The following CACNA2D2 variants were observed in gnomAD, a reference collection of about 807,000 sequenced individuals.
CACNA2D2 encodes the protein voltage-dependent calcium channel subunit alpha-2/delta-2.
In CACNA2D2, 48 loss-of-function variants were observed where a neutral mutation model predicts 166.4. That is an observed-to-expected ratio of 0.29 (90% CI 0.23 to 0.37). The LOEUF (loss-of-function observed/expected upper bound fraction) is 0.37. CACNA2D2 is among the 10% of genes least tolerant of loss of function. The pLI is 1.00. For synonymous variants in CACNA2D2, 561 were observed against 573.7 expected (o/e 0.98, Z 0.32); for missense variants, 1,122 against 1,433.0 (o/e 0.78, Z 3.50).
Position 50,379,915 on chromosome 3 carries a change from T to C in CACNA2D2, c.893+53A>G, listed in dbSNP as rs587758121. ...CCAAGATGTTCAGGGCAGCAGAGTCTAGCCCATTGCCCGTCCCTGCCCCAG... is the reference window on the plus strand; with the variant it reads ...CCAAGATGTTCAGGGCAGCAGAGTCCAGCCCATTGCCCGTCCCTGCCCCAG... On this transcript the variant is annotated intron_variant, in intron 9 of 37. Transcript: ENST00000424201. This position sits in a 1 kb window ranked among gnomAD's most constrained non-coding sequence, Gnocchi z 6.5. 4 of 1,612,150 alleles carry C rather than the reference T, an allele frequency of 2.5e-6. No homozygotes were observed. Among genetic ancestry groups the C allele is most frequent in the East Asian group, 4.5e-5 (2 of 44,842 alleles).
chr3:50,395,813 C>T (rs1706121695), intron 3 of CACNA2D2, among the ~76,000 whole-genome samples: 1 of 152,182 alleles, frequency 6.6e-6, no homozygotes, highest in African/African-American at 2.4e-5. Context: ...TCTCCAGCCC[C>T]ATTGGGCTGG....
intron 1 of CACNA2D2, among the ~76,000 whole-genome samples, chr3:50,501,080 A>G (rs1231499703): frequency 6.6e-6 from 1 of 152,124 alleles, no homozygotes; most frequent in African/African-American, 2.4e-5. Flanking sequence ...ACCTGTATCA[A>G]AGTGTCATCC....
intron 6 of CACNA2D2, among the ~76,000 whole-genome samples, chr3:50,381,446 G>A (rs1270545914): frequency 2.0e-5 from 3 of 152,118 alleles, no homozygotes; most frequent in South Asian, 4.1e-4. Flanking sequence ...GGAACTCGGA[G>A]CCCTCAGTCC....
At chr3:50,429,503 A>G (rs545426713) in intron 3 of CACNA2D2, among the ~76,000 whole-genome samples, 1 of 150,658 alleles carries the variant, frequency 6.6e-6, no homozygotes, top group Non-Finnish European at 1.5e-5. Context: ...CAGTAATCCC[A>G]GCACTTTGGG....
chr3:50,383,313 G>A (rs1705429751), intron 6 of CACNA2D2, among the ~76,000 whole-genome samples: 1 of 152,104 alleles, frequency 6.6e-6, no homozygotes, highest in Admixed American at 6.5e-5. Context: ...TGAGGACCCT[G>A]GGAATTCCCT....
intron 3 of CACNA2D2, among the ~76,000 whole-genome samples, chr3:50,423,801 G>A (rs1432060978): frequency 1.3e-5 from 2 of 152,278 alleles, no homozygotes; most frequent in African/African-American, 2.4e-5. Flanking sequence ...CAGGAGGCAG[G>A]AAGCTTCGAG....
At chr3:50,369,736 A>G (rs754967397) in intron 23 of CACNA2D2, among the ~76,000 whole-genome samples, 1 of 152,072 alleles carries the variant, frequency 6.6e-6, no homozygotes, top group South Asian at 2.1e-4. Flanking sequence ...CTGAGCGTGC[A>G]CTCCGGGATG....
chr3:50,399,258 G>A (rs1706317447), intron 3 of CACNA2D2, among the ~76,000 whole-genome samples: 1 of 152,238 alleles, frequency 6.6e-6, no homozygotes, highest in Admixed American at 6.5e-5. Context: ...TGGCCCAGAA[G>A]GGTCTGAGGA....
Position 50,362,918 on chromosome 3 carries a change from T to C in CACNA2D2, c.*1748A>G, listed in dbSNP as rs1704007216. ...CAAAGTTTCTTGACTTTTTTGTCGC[T>C]GTTGTTTTTCCAACTTGTCTGTACA... is the stretch of plus-strand genomic sequence containing the variant. On this transcript the variant is annotated 3_prime_UTR_variant, in exon 38 of 38. Coordinates refer to ENST00000424201, the MANE Select transcript of CACNA2D2 (RefSeq NM_006030.4). The C allele has an allele frequency of 2.5e-6, 1 of 395,158 alleles. No individual in the cohort carries two copies. The highest frequency in any genetic ancestry group is 1.4e-4 in the South Asian group (1 of 6,998). 24.5% of individuals were successfully genotyped at this position (395,158 alleles called of 1,614,324 possible). A position where few individuals can be genotyped will look rare whatever the true frequency, so the allele number is the denominator to read the frequency against.
intron 2 of CACNA2D2, among the ~76,000 whole-genome samples, chr3:50,468,382 T>TGA (rs2107047776): frequency 1.8e-5 from 1 of 56,794 alleles, no homozygotes; most frequent in East Asian, 3.9e-4. Context: ...ATCAGAATAG[T>TGA]GTGTGTGTGT....
rs189881201 is a variant in CACNA2D2 at position 50,396,718 on chromosome 3, C to T, written c.406-2550G>A. Among the ~76,000 whole-genome samples the T allele has an allele frequency of 1.5e-3, 190 of 129,270 alleles. 1 individual carries two copies. The highest frequency in any genetic ancestry group is 8.2e-3 in the African/African-American group (175 of 21,348). The allele number at this position is 129,270 out of a possible 152,430, so 84.8% of individuals were successfully genotyped here. A position where few individuals can be genotyped will look rare whatever the true frequency, so the allele number is the denominator to read the frequency against. ...GGCCCGGAGGCTGTGTAAAGCCTGA[C>T]GAGGCAGTGTGTGAGTCAAGCCTTT... is the stretch of plus-strand genomic sequence containing the variant. On this transcript the variant is annotated intron_variant, in intron 3 of 37. Transcript: ENST00000424201.
intron 2 of CACNA2D2, among the ~76,000 whole-genome samples, chr3:50,436,047 C>T (rs1210024553): frequency 6.6e-6 from 1 of 152,162 alleles, no homozygotes; most frequent in African/African-American, 2.4e-5. Context: ...GGCAGGGAAC[C>T]TAGAGCCTAG....
Position 50,375,129 on chromosome 3 carries a change from G to C in CACNA2D2, c.1908-316C>G, listed in dbSNP as rs1479137073. On this transcript the variant is annotated intron_variant, in intron 21 of 37. Coordinates refer to ENST00000424201, the MANE Select transcript of CACNA2D2 (RefSeq NM_006030.4). The surrounding 1 kb of genome is among the most constrained non-coding windows in gnomAD (Gnocchi z 4.0). ...ACCTCCCTCTGACCCACAAGGGGCA[G>C]ACGCTGCCGTGAGCTGGCTGCAATG... Among the ~76,000 whole-genome samples, 4 of 152,226 alleles carry C rather than the reference G, an allele frequency of 2.6e-5. No individual in the cohort carries two copies. The highest frequency in any genetic ancestry group is 5.9e-5 in the Non-Finnish European group (4 of 68,028).
At chr3:50,435,874 A>C (rs1708297898) in intron 2 of CACNA2D2, among the ~76,000 whole-genome samples, 1 of 152,230 alleles carries the variant, frequency 6.6e-6, no homozygotes, top group African/African-American at 2.4e-5. Flanking sequence ...GCGAGACTTG[A>C]GGCCTGGCCA....
At chr3:50,390,300 G>A (rs1238071913) in intron 4 of CACNA2D2, among the ~76,000 whole-genome samples, 2 of 152,180 alleles carry the variant, frequency 1.3e-5, no homozygotes, top group African/African-American at 4.8e-5. Context: ...CCGCGAGGAG[G>A]CAAGGCTGCC....
At chr3:50,443,586 C>T (rs928522065) in intron 2 of CACNA2D2, among the ~76,000 whole-genome samples, 8 of 152,196 alleles carry the variant, frequency 5.3e-5, no homozygotes, top group Non-Finnish European at 8.8e-5. Flanking sequence ...CCCTTCAGTC[C>T]GTTCACCACC....
chr3:50,401,604 A>G (rs1169962785), intron 3 of CACNA2D2, among the ~76,000 whole-genome samples: 1 of 152,236 alleles, frequency 6.6e-6, no homozygotes, highest in Admixed American at 6.5e-5. Flanking sequence ...TGGGCTCCCA[A>G]GGATCCTTGC....
chr3:50,381,173 C>T (rs1468523356), intron 6 of CACNA2D2, 47 bp from the exon 7 acceptor site: 20 of 1,606,122 alleles, frequency 1.2e-5, no homozygotes, highest in Non-Finnish European at 1.6e-5. Flanking sequence ...GGGCTGTGTC[C>T]TGTCGAACCC....
chr3:50,374,556 G>A (rs918255641), intron 22 of CACNA2D2, among the ~76,000 whole-genome samples, 181 bp downstream of exon 22: 2 of 152,074 alleles, frequency 1.3e-5, no homozygotes, highest in Non-Finnish European at 2.9e-5. Context: ...TCTGAGAAAA[G>A]GCAAGCATGC....
Sources: gnomAD v4.1 joint callset for allele counts (sites outside exome capture counted in the v4.1 genomes callset) on GRCh38, gnomAD v4.1.1 for gene constraint, Gnocchi (gnomAD v3.1) non-coding constraint, MANE v1.5 for transcripts, NCBI Gene and HGNC (gene_info 2026-07-23, HGNC 2026-07-21) for gene names.